Variants in PDGFRB observed in about 807,000 individuals in gnomAD.
PDGFRB encodes the protein platelet derived growth factor receptor beta, also known as platelet-derived growth factor receptor beta.
Under a neutral mutation model 120.2 loss-of-function variants are expected in PDGFRB, and 42 were observed. That is an observed-to-expected ratio of 0.35 (90% CI 0.27 to 0.45). PDGFRB has a LOEUF of 0.45. PDGFRB is among the 20% of genes least tolerant of loss of function. The pLI is 1.00. For missense variants in PDGFRB, 1,149 were observed against 1,476.3 expected (o/e 0.78, Z 3.63); for synonymous variants, 586 against 606.8 (o/e 0.97, Z 0.50).
In PDGFRB at chr5:150,130,524, C is replaced by T. The variant is rs773091482; in HGVS notation, c.1367+15G>A. On this transcript the variant is annotated intron_variant, in intron 9 of 22. Coordinates refer to ENST00000261799, the MANE Select transcript of PDGFRB (RefSeq NM_002609.4). ...AGCTGGGGACACTGGGAGACTGAGG[C>T]CCAGGTCTGCTCACCTTTTGAGGTC... is the stretch of plus-strand genomic sequence containing the variant. The T allele has an allele frequency of 1.1e-5, 17 of 1,611,816 alleles. No homozygotes were observed. The highest frequency in any genetic ancestry group is 3.3e-5 in the South Asian group (3 of 90,852).
intron 10 of PDGFRB, among the ~76,000 whole-genome samples, chr5:150,128,457 C>G (rs1286093274): frequency 6.6e-6 from 1 of 152,230 alleles, no homozygotes; most frequent in Non-Finnish European, 1.5e-5. Context: ...GCCTTTGGAG[C>G]CCTGCCTGCT....
rs1760535968 is a variant in PDGFRB at position 150,133,566 on chromosome 5, G to C, written c.934+20C>G. ...GAGCGTTGAAGGAATTGGGGATTGG[G>C]CTGAGCCCAAGGCACACACCAACCA... On this transcript the variant is annotated intron_variant, in intron 6 of 22. Coordinates refer to ENST00000261799, the MANE Select transcript of PDGFRB (RefSeq NM_002609.4). 1.2e-6 allele frequency: 2 copies of C among 1,605,828 alleles called. No individual in the cohort carries two copies. The highest frequency in any genetic ancestry group is 2.7e-5 in the African/African-American group (2 of 74,782).
chr5:150,119,004 T>C (rs1760050475), intron 20 of PDGFRB, 152 bp from the exon 21 acceptor site: 4 of 607,880 alleles, frequency 6.6e-6, no homozygotes, highest in Non-Finnish European at 5.9e-6. Context: ...AGAGGTCCTG[T>C]CTCTGGATAT....
chr5:150,115,831 C>G lies in PDGFRB; in HGVS notation c.3253G>C (p.Glu1085Gln). The G allele has an allele frequency of 6.2e-7, 1 of 1,613,006 alleles. No individual in the cohort carries two copies. The highest frequency in any genetic ancestry group is 1.1e-5 in the South Asian group (1 of 90,924). ...CCCGAATCCGGCAACTGTTCCAGCT[C>G]TGGCTCCGGCTCCACCTGGAGCTCA... is the stretch of plus-strand genomic sequence containing the variant. ...QLELQVEPEP[E>Q]LEQLPDSGCP... The change falls in exon 23 of 23, where the codon GAG becomes CAG. Residue 1085 changes from glutamate (E) to glutamine (Q), a missense_variant. By Grantham distance (29) the Glu-to-Gln change is conservative. Around this residue, in one of 3 missense-constraint regions of PDGFRB, gnomAD observed 202 missense variants for 214.3 expected, o/e 0.94. Coordinates refer to ENST00000261799, the MANE Select transcript of PDGFRB (RefSeq NM_002609.4).
chr5:150,117,562 ACAC>A (rs1759994826), intron 22 of PDGFRB, 53 bp downstream of exon 22: 2 of 956,948 alleles, frequency 2.1e-6, no homozygotes, highest in Admixed American at 3.7e-5. Context: ...ACACACACAC[ACAC>A]ACACACACAC....
chr5:150,125,419 G>GCC (rs747994734), intron 12 of PDGFRB, 26 bp downstream of exon 12: 3 of 1,594,884 alleles, frequency 1.9e-6, no homozygotes, highest in Middle Eastern at 1.7e-4. Context: ...TCCCCACACT[G>GCC]CCACATGAGG....
chr5:150,135,393 G>A (rs938562188), intron 3 of PDGFRB, among the ~76,000 whole-genome samples, 162 bp downstream of exon 3: 4 of 152,112 alleles, frequency 2.6e-5, no homozygotes, highest in African/African-American at 9.7e-5. Context: ...CCAAGGAGTG[G>A]GTGCGAACAC....
Position 150,135,559 on chromosome 5 carries a change from C to A in PDGFRB, c.360G>T (p.Val120=), listed in dbSNP as rs760496568. Residue 120 remains valine (V), a synonymous_variant, in exon 3 of 23, where the codon GTG becomes GTT. Coordinates refer to ENST00000261799, the MANE Select transcript of PDGFRB (RefSeq NM_002609.4). ...ACACAGGCTGGGAGCCCTTACCTGGCACAAAGATGTAGAGCCGTTTCCGCT... is the reference window on the plus strand; with the variant it reads ...ACACAGGCTGGGAGCCCTTACCTGGAACAAAGATGTAGAGCCGTTTCCGCT... The part of the protein sequence containing the change: ...TDERKRLYIF[V]PDPTVGFLPN... The A allele has an allele frequency of 2.4e-5, 39 of 1,597,306 alleles. No individual in the cohort carries two copies. Among genetic ancestry groups the A allele is most frequent in the Non-Finnish European group, 2.4e-5 (28 of 1,169,668 alleles).
Position 150,129,831 on chromosome 5 carries a change from C to T in PDGFRB, c.1505G>A (p.Arg502Gln), listed in dbSNP as rs148974733. 2.0e-3 allele frequency: 3,304 copies of T among 1,614,114 alleles called. 5 individuals are homozygous for T. Among genetic ancestry groups the T allele is most frequent in the Non-Finnish European group, 2.3e-3 (2,723 of 1,180,030 alleles). The part of the protein sequence containing the change: ...VSTLRLQHVD[R>Q]PLSVRCTLRN... Reference sequence around the variant, plus strand: ...CAGCGTGCAGCGCACCGACAGTGGCCGATCCACGTGCTGCAGACGCAGTGT... The same window carrying T: ...CAGCGTGCAGCGCACCGACAGTGGCTGATCCACGTGCTGCAGACGCAGTGT... The change falls in exon 10 of 23, where the codon CGG becomes CAG. Residue 502 changes from arginine (R) to glutamine (Q), a missense_variant. Transcript: ENST00000261799.
Position 150,132,211 on chromosome 5 carries a change from G to C in PDGFRB, c.1128-117C>G. On this transcript the variant is annotated intron_variant, in intron 7 of 22. Coordinates refer to ENST00000261799, the MANE Select transcript of PDGFRB (RefSeq NM_002609.4). The surrounding 1 kb of genome is among the most constrained non-coding windows in gnomAD (Gnocchi z 5.0). ...GGGAAGGGCTTGCCAAGGTCATCTCGGCATTGGTAGCAGAGCCGGGACTCA... is the reference window on the plus strand; with the variant it reads ...GGGAAGGGCTTGCCAAGGTCATCTCCGCATTGGTAGCAGAGCCGGGACTCA... The C allele has an allele frequency of 1.6e-6, 1 of 628,052 alleles. No individual in the cohort carries two copies. The highest frequency in any genetic ancestry group is 1.9e-5 in the South Asian group (1 of 52,668). 38.9% of individuals were successfully genotyped at this position (628,052 alleles called of 1,614,324 possible). A position where few individuals can be genotyped will look rare whatever the true frequency, so the allele number is the denominator to read the frequency against.
At chr5:150,131,903 G>A in intron 8 of PDGFRB, 76 bp downstream of exon 8, 1 of 762,088 alleles carries the variant, frequency 1.3e-6, no homozygotes, top group South Asian at 1.6e-5. Context: ...TGGGTGGGTG[G>A]ACAGTGCAGG....
At chr5:150,133,187 G>C (rs1760522151) in intron 6 of PDGFRB, among the ~76,000 whole-genome samples, 1 of 152,182 alleles carries the variant, frequency 6.6e-6, no homozygotes, top group Non-Finnish European at 1.5e-5. Context: ...CTCTGTTCTG[G>C]GTCAGTACTG....
intron 1 of PDGFRB, among the ~76,000 whole-genome samples, chr5:150,142,566 G>A (rs1157586026): frequency 6.7e-6 from 1 of 150,062 alleles, no homozygotes. Flanking sequence ...GAGGGGGGTT[G>A]GGGTGGGAAG....
At chr5:150,144,220 C>T (rs1473996427) in intron 1 of PDGFRB, among the ~76,000 whole-genome samples, 1 of 152,302 alleles carries the variant, frequency 6.6e-6, no homozygotes, top group Non-Finnish European at 1.5e-5. Context: ...TGTTCTCACA[C>T]CCCAGCCAGA....
At position 150,121,090 on chromosome 5, in the gene PDGFRB, T is replaced by C. The variant is rs146708126; in HGVS notation, c.2464-80A>G. 9.3e-3 allele frequency: 14,195 copies of C among 1,521,158 alleles called. 1,601 individuals carry two copies. The Admixed American group carries it at 0.21, about 22-fold the overall frequency. 94.2% of individuals were successfully genotyped at this position (1,521,158 alleles called of 1,614,324 possible). A position where few individuals can be genotyped will look rare whatever the true frequency, so the allele number is the denominator to read the frequency against. On this transcript the variant is annotated intron_variant, in intron 17 of 22. Coordinates refer to ENST00000261799, the MANE Select transcript of PDGFRB (RefSeq NM_002609.4). The surrounding 1 kb of genome is among the most constrained non-coding windows in gnomAD (Gnocchi z 4.1). The stretch of plus-strand genomic sequence containing the variant: ...CTTCATGTCAAGGGCTTTGGGAAAA[T>C]ACAACACTGCCCATGTGCGAGAGGC...
At chr5:150,130,707 A>C (rs781282633) in intron 8 of PDGFRB, 45 bp from the exon 9 acceptor site, 4 of 1,596,586 alleles carry the variant, frequency 2.5e-6, no homozygotes, top group Non-Finnish European at 3.4e-6. Flanking sequence ...GGGTCAGGAC[A>C]GTTAACAGGA....
At position 150,117,614 on chromosome 5, in the gene PDGFRB, T is replaced by C. The variant is rs246391; in HGVS notation, c.3137+4A>G. 627,748 of 1,557,850 alleles carry C rather than the reference T, an allele frequency of 0.4. 131,370 individuals carry two copies. Among genetic ancestry groups the C allele is most frequent in the Middle Eastern group, 0.46 (2,657 of 5,806 alleles). ...TTTCCTTGGCCCCAGGCCAGGGTGG[T>C]TACCTGGCTAGGCTGGGGGAACCCT... On this transcript the variant is annotated splice_donor_region_variant and intron_variant, in intron 22 of 22. Coordinates refer to ENST00000261799, the MANE Select transcript of PDGFRB (RefSeq NM_002609.4).
intron 1 of PDGFRB, among the ~76,000 whole-genome samples, chr5:150,147,814 T>C (rs1173766652): frequency 1.3e-5 from 2 of 152,166 alleles, no homozygotes; most frequent in Non-Finnish European, 2.9e-5. Context: ...TTGTCAGGGC[T>C]ATTGAAGGAG....
chr5:150,135,019 GC>G lies in PDGFRB; in HGVS notation c.365-4del. On this transcript the variant is annotated splice_region_variant and splice_polypyrimidine_tract_variant and intron_variant, in intron 3 of 22. Transcript: ENST00000261799. ...AGGGAGGAAGCCCACGGTGGGATCT[GC>G]CAGGAGTGGAGCCGTGAATAAATCA... 1 of 1,471,096 alleles carries G rather than the reference GC, an allele frequency of 6.8e-7. No homozygotes were observed. The highest frequency in any genetic ancestry group is 9.5e-7 in the Non-Finnish European group (1 of 1,057,820). The allele number at this position is 1,471,096 out of a possible 1,614,324, so 91.1% of individuals were successfully genotyped here.
Sources: gnomAD v4.1 joint callset for allele counts (sites outside exome capture counted in the v4.1 genomes callset) on GRCh38, gnomAD v4.1.1 for gene constraint, gnomAD v4.1.1 regional missense constraint, Gnocchi (gnomAD v3.1) non-coding constraint, MANE v1.5 for transcripts, NCBI Gene and HGNC (gene_info 2026-07-23, HGNC 2026-07-21) for gene names.